CENPT: variants seen among roughly 807,000 people sequenced by gnomAD.
CENPT encodes the protein interphase centromere complex protein 22.
A neutral mutation model predicts 59.7 loss-of-function variants in CENPT; 42 were observed. The ratio of observed to expected loss-of-function variants is 0.70; its 90% CI spans 0.55 to 0.91. The LOEUF is 0.91. CENPT is among the 40% of genes least tolerant of loss of function. The pLI, the probability that CENPT is intolerant of heterozygous loss-of-function variation, is 0.00. For synonymous variants in CENPT, 295 were observed against 289.6 expected (o/e 1.02, Z -0.19); for missense variants, 716 against 713.4 (o/e 1.00, Z -0.04).
chr16:67,845,779 A>G (rs2057793793), intron 1 of CENPT, among the ~76,000 whole-genome samples: 1 of 152,238 alleles, frequency 6.6e-6, no homozygotes, highest in Non-Finnish European at 1.5e-5. Context: ...GGGGCAATGC[A>G]GAGTTCTCAC....
intron 1 of CENPT, among the ~76,000 whole-genome samples, chr16:67,846,171 A>T (rs1859028360): frequency 6.6e-6 from 1 of 152,274 alleles, no homozygotes; most frequent in Admixed American, 6.5e-5. Context: ...TGGTCACTTA[A>T]ATCACAGCGA....
chr16:67,836,356 G>A (rs911624566), intron 1 of CENPT, among the ~76,000 whole-genome samples: 12 of 152,004 alleles, frequency 7.9e-5, no homozygotes, highest in African/African-American at 2.7e-4. Context: ...CACTACACCC[G>A]GCCCCAGCCT....
At chr16:67,837,700 A>G (rs1262390919) in intron 1 of CENPT, among the ~76,000 whole-genome samples, 1 of 152,016 alleles carries the variant, frequency 6.6e-6, no homozygotes, top group East Asian at 1.9e-4. Flanking sequence ...ACTCCGTCTC[A>G]AAAACAAACA....
intron 4 of CENPT, among the ~76,000 whole-genome samples, chr16:67,832,956 C>T (rs948349711): frequency 6.6e-6 from 1 of 152,218 alleles, no homozygotes; most frequent in Non-Finnish European, 1.5e-5. Flanking sequence ...GTACCCCAGA[C>T]ACCTTAGTCT....
chr16:67,842,559 C>T lies in CENPT; in HGVS notation c.-492+4842G>A. On this transcript the variant is annotated intron_variant, in intron 1 of 15. Transcript: ENST00000562787. This position sits in a 1 kb window ranked among gnomAD's most constrained non-coding sequence, Gnocchi z 4.9. ...GCCGGGCCGCGCGGCGCAGCCATGC[C>T]TGGCTTTACGTGCTGCGTGCCAGGC... 1.3e-6 allele frequency: 2 copies of T among 1,527,166 alleles called. No homozygotes were observed. The highest frequency in any genetic ancestry group is 1.8e-6 in the Non-Finnish European group (2 of 1,132,728). The allele number at this position is 1,527,166 out of a possible 1,614,324, so 94.6% of individuals were successfully genotyped here. A position where few individuals can be genotyped will look rare whatever the true frequency, so the allele number is the denominator to read the frequency against.
In CENPT at chr16:67,831,794, C is replaced by T; in HGVS notation, c.483G>A (p.Val161=). ...GCCCCTGGTCCACTCCCTGCTGAAA[C>T]ACTGACAGTCTCAGCCTCTGTTTCC... is the stretch of plus-strand genomic sequence containing the variant. ...GRRKQRLRLS[V]FQQGVDQGLS... Residue 161 remains valine, a synonymous_variant, in exon 8 of 16, where the codon GTG becomes GTA. Transcript: ENST00000562787. 1.9e-6 allele frequency: 3 copies of T among 1,593,092 alleles called. No homozygotes were observed. Among genetic ancestry groups the T allele is most frequent in the Non-Finnish European group, 1.7e-6 (2 of 1,170,820 alleles).
chr16:67,829,412 T>A lies in CENPT; in HGVS notation c.1280+11A>T. Reference sequence around the variant, plus strand: ...AAGAGGCCCATGAGGAATGGGGTTGTGGGATCTTACACTGCAGCACCAGGC... The same window carrying A: ...AAGAGGCCCATGAGGAATGGGGTTGAGGGATCTTACACTGCAGCACCAGGC... On this transcript the variant is annotated intron_variant, in intron 13 of 15. Transcript: ENST00000562787. The A allele has an allele frequency of 1.9e-6, 3 of 1,585,656 alleles. No individual in the cohort carries two copies. Among genetic ancestry groups the A allele is most frequent in the Non-Finnish European group, 2.6e-6 (3 of 1,170,272 alleles).
intron 3 of CENPT, among the ~76,000 whole-genome samples, chr16:67,834,489 C>A (rs868330454): frequency 6.6e-6 from 1 of 152,068 alleles, no homozygotes. Context: ...CATGGTGGTG[C>A]GCGCCTGTAG....
chr16:67,831,170 G>A lies in CENPT; in HGVS notation c.703+46C>T, dbSNP rs8052287. 83,873 of 1,612,428 alleles carry A rather than the reference G, an allele frequency of 0.052. 2,959 individuals are homozygous for A. The highest frequency in any genetic ancestry group is 0.17 in the African/African-American group (12,530 of 74,816). On this transcript the variant is annotated intron_variant, in intron 10 of 15. Transcript: ENST00000562787. ...AGCATCACCTCCTATCTGTCATAGCGGGGAGAGCTTTCCCCAAAGGCCAGC... is the reference window on the plus strand; with the variant it reads ...AGCATCACCTCCTATCTGTCATAGCAGGGAGAGCTTTCCCCAAAGGCCAGC...
rs1047769919 is a variant in CENPT, at chr16:67,847,601, A to G, written c.-692T>C. On this transcript the variant is annotated 5_prime_UTR_variant, in exon 1 of 16. Coordinates refer to ENST00000562787, the MANE Select transcript of CENPT (RefSeq NM_025082.4). ...TTACCGCGCCCTTTGTGGAGCCCGGACTGGAGTTCTCGCAGGGAGGGCAGG... is the reference window on the plus strand; with the variant it reads ...TTACCGCGCCCTTTGTGGAGCCCGGGCTGGAGTTCTCGCAGGGAGGGCAGG... 7 of 152,384 alleles carry G rather than the reference A, an allele frequency of 4.6e-5. No individual in the cohort carries two copies. Among genetic ancestry groups the G allele is most frequent in the African/African-American group, 1.7e-4 (7 of 41,448 alleles). 9.4% of individuals were successfully genotyped at this position (152,384 alleles called of 1,614,324 possible).
intron 1 of CENPT, among the ~76,000 whole-genome samples, chr16:67,835,911 C>A (rs1448049005): frequency 6.6e-6 from 1 of 151,858 alleles, no homozygotes; most frequent in Non-Finnish European, 1.5e-5. Context: ...CTGGCACCAC[C>A]ACGCCCAGCT....
chr16:67,833,570 T>C (rs2057713513), intron 4 of CENPT, among the ~76,000 whole-genome samples, 180 bp downstream of exon 4: 1 of 152,126 alleles, frequency 6.6e-6, no homozygotes, highest in South Asian at 2.1e-4. Flanking sequence ...TCCCAGGCCC[T>C]GCTCCTCTCT....
rs557612828 is a variant in CENPT at position 67,828,424 on chromosome 16, C to T, written c.1563-34G>A. On this transcript the variant is annotated intron_variant, in intron 15 of 15. Transcript: ENST00000562787. ...GAGGAAGAGAAGGGACAGGCAGAAT[C>T]AGCACCAAAACTCCCCCAGCCAGCA... is the stretch of plus-strand genomic sequence containing the variant. 2.5e-6 allele frequency: 4 copies of T among 1,613,378 alleles called. No individual in the cohort carries two copies. The East Asian group carries it at 8.9e-5, about 36-fold the overall frequency.
intron 11 of CENPT, 124 bp downstream of exon 11, chr16:67,830,266 A>T: frequency 7.6e-7 from 1 of 1,315,388 alleles, no homozygotes; most frequent in Non-Finnish European, 1.1e-6. Context: ...CTGCTCTTGG[A>T]TGAAGGAGGC....
At chr16:67,840,539 G>A (rs912468837) in intron 1 of CENPT, among the ~76,000 whole-genome samples, 1 of 149,418 alleles carries the variant, frequency 6.7e-6, no homozygotes, top group Non-Finnish European at 1.5e-5. Context: ...GTTAAATGAT[G>A]AGAACTCATG....
In CENPT at chr16:67,833,829, T is replaced by A. The variant is rs371558630; in HGVS notation, c.31A>T (p.Thr11Ser). 1 of 1,572,340 alleles carries A rather than the reference T, an allele frequency of 6.4e-7. No individual in the cohort carries two copies. Among genetic ancestry groups the A allele is most frequent in the Non-Finnish European group, 8.6e-7 (1 of 1,161,774 alleles). The stretch of plus-strand genomic sequence containing the variant: ...ACGCGTCGCAGCAGCGTGCGCGGCG[T>A]GGAGTCGCTGTCAGGGTTGTGGTCA... MADHNPDSDSTPRTLLRRVLD... is the reference protein window; with the variant it reads MADHNPDSDSSPRTLLRRVLD... Residue 11 changes from threonine to serine, a missense_variant, in exon 4 of 16, where the codon ACG becomes TCG. Physicochemically the swap from Thr to Ser is moderately conservative, Grantham distance 58 (BLOSUM62 1). Coordinates refer to ENST00000562787, the MANE Select transcript of CENPT (RefSeq NM_025082.4).
In CENPT at chr16:67,833,061, C is replaced by T. The variant is rs192901738; in HGVS notation, c.111-516G>A. ...GTGTAAAACCTATAATGAATGGCTT[C>T]TCATTCCCTATAAAGAAACTCCACT... On this transcript the variant is annotated intron_variant, in intron 4 of 15. Coordinates refer to ENST00000562787, the MANE Select transcript of CENPT (RefSeq NM_025082.4). Among the ~76,000 whole-genome samples, 24 of 152,308 alleles carry T rather than the reference C, an allele frequency of 1.6e-4. No homozygotes were observed. In the East Asian group the frequency reaches 3.9e-3, roughly 24 times the overall value.
chr16:67,829,328 G>A (rs563744908), intron 13 of CENPT, 95 bp downstream of exon 13: 9 of 982,054 alleles, frequency 9.2e-6, no homozygotes, highest in Non-Finnish European at 1.3e-5. Context: ...GTAATCATCT[G>A]CATACCCGTA....
Position 67,843,806 on chromosome 16 carries a change from A to T in CENPT, c.-492+3595T>A. 1 of 348,856 alleles carries T rather than the reference A, an allele frequency of 2.9e-6. No individual in the cohort carries two copies. Among genetic ancestry groups the T allele is most frequent in the Middle Eastern group, 8.5e-4 (1 of 1,180 alleles). The allele number at this position is 348,856 out of a possible 1,614,324, so 21.6% of individuals were successfully genotyped here. A position where few individuals can be genotyped will look rare whatever the true frequency, so the allele number is the denominator to read the frequency against. On this transcript the variant is annotated intron_variant, in intron 1 of 15. Coordinates refer to ENST00000562787, the MANE Select transcript of CENPT (RefSeq NM_025082.4). This position sits in a 1 kb window ranked among gnomAD's most constrained non-coding sequence, Gnocchi z 5.7. ...TGAACTTGAAACTTACCCTCTAGGG[A>T]TGCAGGTGGGATGTCCAGGGACTAT...
Sources: allele counts gnomAD v4.1 joint callset (sites outside exome capture counted in the v4.1 genomes callset), GRCh38; gene constraint gnomAD v4.1.1; non-coding constraint Gnocchi (gnomAD v3.1); transcripts MANE v1.5; gene names NCBI Gene and HGNC (gene_info 2026-07-23, HGNC 2026-07-21).